ADAMTS16: variants seen among roughly 807,000 people sequenced by gnomAD.
The protein encoded by ADAMTS16 is A disintegrin and metalloproteinase with thrombospondin motifs 16.
ADAMTS16 carries 94 observed loss-of-function variants against 145.8 expected under a neutral mutation model. The ratio of observed to expected loss-of-function variants is 0.64; its 90% confidence interval spans 0.55 to 0.77. The LOEUF is 0.77. Among genes scored for constraint, ADAMTS16 ranks in the 30% least tolerant of loss-of-function variants. ADAMTS16 has a pLI of 0.00. For missense variants in ADAMTS16, 1,585 were observed against 1,591.5 expected, an observed-to-expected ratio of 1.00 and a Z score of 0.07; for synonymous variants, 659 against 604.3, an observed-to-expected ratio of 1.09 and a Z score of -1.33.
intron 18 of ADAMTS16, among the ~76,000 whole-genome samples, chr5:5,294,208 C>T (rs1283147639): frequency 1.3e-5 from 2 of 152,140 alleles, no homozygotes; most frequent in Non-Finnish European, 2.9e-5. Context: ...TGCAAAGAAC[C>T]AGAACCAATT....
chr5:5,279,276 A>G (rs1401052055), intron 18 of ADAMTS16, among the ~76,000 whole-genome samples: 1 of 152,202 alleles, frequency 6.6e-6, no homozygotes, highest in Non-Finnish European at 1.5e-5. Flanking sequence ...TCAGCTAACA[A>G]AGAGTTAGAG....
Position 5,232,466 on chromosome 5 carries a change from G to T in ADAMTS16, c.1800G>T (p.Arg600Ser). 1 of 1,614,016 alleles carries T rather than the reference G, an allele frequency of 6.2e-7. No individual in the cohort carries two copies. Among genetic ancestry groups the T allele is most frequent in the African/African-American group, 1.3e-5 (1 of 74,972 alleles). The part of the protein sequence containing the change: ...SDWSSWSPCS[R>S]TCGGGVSHRS... ...GGTCTTCTTGGTCCCCATGCTCCAG[G>T]ACCTGCGGAGGGGGAGTATCTCATA... Residue 600 changes from arginine (R) to serine (S), a missense_variant, in exon 12 of 23, where the codon AGG becomes AGT. This residue lies in a region of ADAMTS16 where 298 missense variants were observed against 367.6 expected (regional missense o/e 0.81). Transcript: ENST00000274181.
chr5:5,242,302 C>A, intron 17 of ADAMTS16, 111 bp downstream of exon 17: 2 of 1,386,060 alleles, frequency 1.4e-6, no homozygotes, highest in Non-Finnish European at 1.9e-6. Context: ...CTTCTCCCTG[C>A]CAGTAGCAGT....
At position 5,317,720 on chromosome 5, in the gene ADAMTS16, T is replaced by C. The variant is rs1734111286; in HGVS notation, c.3412-414T>C. ...GCAGTATATTTACTTTTTTAAAAAG[T>C]GAACTCAGCCCCCACAAAGCCCAAG... On this transcript the variant is annotated intron_variant, in intron 21 of 22. Coordinates refer to ENST00000274181, the MANE Select transcript of ADAMTS16 (RefSeq NM_139056.4). This position sits in a 1 kb window ranked among gnomAD's most constrained non-coding sequence, Gnocchi z 4.5. Among the ~76,000 whole-genome samples, 1 of 152,184 alleles carries C rather than the reference T, an allele frequency of 6.6e-6. No individual in the cohort carries two copies. The highest frequency in any genetic ancestry group is 1.5e-5 in the Non-Finnish European group (1 of 68,022).
At chr5:5,291,446 C>A (rs1302701242) in intron 18 of ADAMTS16, among the ~76,000 whole-genome samples, 1 of 152,168 alleles carries the variant, frequency 6.6e-6, no homozygotes, top group East Asian at 1.9e-4. Flanking sequence ...ATGATAACCA[C>A]AGCCAGCCCT....
intron 22 of ADAMTS16, 50 bp downstream of exon 22, chr5:5,318,331 C>G (rs374514945): frequency 2.2e-6 from 3 of 1,358,250 alleles, no homozygotes. Context: ...GCTGGAATGT[C>G]AGGTTTCTGG....
intron 9 of ADAMTS16, among the ~76,000 whole-genome samples, chr5:5,208,570 G>A (rs1029913795): frequency 1.3e-5 from 2 of 152,160 alleles, no homozygotes; most frequent in African/African-American, 2.4e-5. Context: ...TGAGCACAGA[G>A]CATTGCTGGT....
At chr5:5,179,118 G>A (rs1005100453) in intron 3 of ADAMTS16, among the ~76,000 whole-genome samples, 10 of 149,684 alleles carry the variant, frequency 6.7e-5, no homozygotes, top group African/African-American at 2.2e-4. Flanking sequence ...TTACAAACTC[G>A]TGACAAGTAG....
At chr5:5,148,036 A>G (rs928704588) in intron 3 of ADAMTS16, among the ~76,000 whole-genome samples, 1 of 152,222 alleles carries the variant, frequency 6.6e-6, no homozygotes, top group Non-Finnish European at 1.5e-5. Flanking sequence ...TAACAGGAAA[A>G]GTTAACAGTA....
At chr5:5,215,454 C>T (rs1033646284) in intron 10 of ADAMTS16, among the ~76,000 whole-genome samples, 1 of 152,044 alleles carries the variant, frequency 6.6e-6, no homozygotes, top group Non-Finnish European at 1.5e-5. Context: ...AAGCAGTATA[C>T]ACTGCACCAT....
chr5:5,182,002 A>G (rs770175822), intron 3 of ADAMTS16, 42 bp from the exon 4 acceptor site: 3 of 1,562,758 alleles, frequency 1.9e-6, no homozygotes, highest in South Asian at 1.2e-5. Context: ...TTCAACCAGA[A>G]AGTCTAATTG....
intron 9 of ADAMTS16, among the ~76,000 whole-genome samples, chr5:5,203,324 G>A (rs976802539): frequency 5.3e-5 from 8 of 152,132 alleles, no homozygotes; most frequent in African/African-American, 1.2e-4. Context: ...ATGAATCTGA[G>A]ACTGTCTTGT....
At chr5:5,153,452 A>T (rs1362709852) in intron 3 of ADAMTS16, among the ~76,000 whole-genome samples, 1 of 152,190 alleles carries the variant, frequency 6.6e-6, no homozygotes, top group Non-Finnish European at 1.5e-5. Flanking sequence ...CAGAAATCCT[A>T]TATCTTCTCA....
intron 10 of ADAMTS16, among the ~76,000 whole-genome samples, chr5:5,219,119 T>A: frequency 6.6e-6 from 1 of 151,140 alleles, no homozygotes. Context: ...GGACCCCCCC[T>A]TCTCTACTCA....
chr5:5,295,275 G>T (rs1379308697), intron 18 of ADAMTS16, among the ~76,000 whole-genome samples: 3 of 152,104 alleles, frequency 2.0e-5, no homozygotes, highest in Non-Finnish European at 4.4e-5. Flanking sequence ...TTTTACTTTT[G>T]TCTCAGCCAC....
intron 20 of ADAMTS16, among the ~76,000 whole-genome samples, chr5:5,305,139 A>T: frequency 1.1e-5 from 1 of 88,418 alleles, no homozygotes; most frequent in Non-Finnish European, 2.4e-5. Flanking sequence ...CCACACACAC[A>T]CATCCCACAC....
At chr5:5,234,749 A>T (rs1414382073) in intron 12 of ADAMTS16, among the ~76,000 whole-genome samples, 4 of 151,560 alleles carry the variant, frequency 2.6e-5, no homozygotes, top group African/African-American at 9.7e-5. Context: ...GTGTGCCTAT[A>T]GTCCCAGCTA....
chr5:5,169,501 G>A (rs1199759699), intron 3 of ADAMTS16, among the ~76,000 whole-genome samples: 1 of 152,158 alleles, frequency 6.6e-6, no homozygotes, highest in Non-Finnish European at 1.5e-5. Flanking sequence ...TCCTAGGTGG[G>A]CCTCAGCTGG....
chr5:5,162,759 A>AGAGGAGAG (rs1734775528), intron 3 of ADAMTS16, among the ~76,000 whole-genome samples: 1 of 150,094 alleles, frequency 6.7e-6, no homozygotes. Context: ...AGAGAAGAGA[A>AGAGGAGAG]GAGAGGAGAG....
Sources: allele counts gnomAD v4.1 joint callset (sites outside exome capture counted in the v4.1 genomes callset), GRCh38; gene constraint gnomAD v4.1.1; regional missense constraint gnomAD v4.1.1; non-coding constraint Gnocchi (gnomAD v3.1); transcripts MANE v1.5; gene names NCBI Gene and HGNC (gene_info 2026-07-23, HGNC 2026-07-21).